The following ELMOD1 variants were observed in gnomAD, a reference collection of about 807,000 sequenced individuals.
ELMOD1 encodes ELMO domain-containing protein 1.
In ELMOD1, 21 loss-of-function variants were observed where a neutral mutation model predicts 46.7. The ratio of observed to expected loss-of-function variants is 0.45; its 90% CI spans 0.32 to 0.65. The LOEUF (loss-of-function observed/expected upper bound fraction) is 0.65, where lower values mean the gene tolerates loss of function less well. ELMOD1 is among the 30% of genes least tolerant of loss of function. The pLI, the probability that ELMOD1 is intolerant of heterozygous loss-of-function variation, is 0.04. For missense variants in ELMOD1, 348 were observed against 407.8 expected (o/e 0.85, Z 1.26); for synonymous variants, 122 against 138.2 (o/e 0.88, Z 0.82).
At chr11:107,664,325 G>A (rs1866798899) in intron 11 of ELMOD1, among the ~76,000 whole-genome samples, 1 of 151,842 alleles carries the variant, frequency 6.6e-6, no homozygotes, top group Non-Finnish European at 1.5e-5. Flanking sequence ...GTGGTAGTGG[G>A]AGGGGGCATA....
At chr11:107,632,270 AG>A (rs1177526246) in intron 5 of ELMOD1, among the ~76,000 whole-genome samples, 4 of 152,230 alleles carry the variant, frequency 2.6e-5, no homozygotes, top group African/African-American at 7.2e-5. Context: ...CACTGGGTAC[AG>A]CAATTTTTCA....
At chr11:107,658,396 T>A (rs1031605135) in intron 11 of ELMOD1, among the ~76,000 whole-genome samples, 3 of 152,210 alleles carry the variant, frequency 2.0e-5, no homozygotes, top group African/African-American at 7.2e-5. Flanking sequence ...ACATACATTA[T>A]CACAGCTCCT....
rs768902387 is a variant in ELMOD1 at position 107,591,899 on chromosome 11, G to T, written c.-86+490G>T. 3 of 495,156 alleles carry T rather than the reference G, an allele frequency of 6.1e-6. No homozygotes were observed. The East Asian group carries it at 1.8e-4, about 30-fold the overall frequency. The allele number at this position is 495,156 out of a possible 1,614,324, so 30.7% of individuals were successfully genotyped here. A position where few individuals can be genotyped will look rare whatever the true frequency, so the allele number is the denominator to read the frequency against. ...GCCGCCGGACTGTGGGGTCCTCCGCGCAGCGAGCTGGGAGGAGCGGTCGGC... is the reference window on the plus strand; with the variant it reads ...GCCGCCGGACTGTGGGGTCCTCCGCTCAGCGAGCTGGGAGGAGCGGTCGGC... On this transcript the variant is annotated intron_variant, in intron 1 of 11. Coordinates refer to ENST00000265840, the MANE Select transcript of ELMOD1 (RefSeq NM_018712.4).
intron 7 of ELMOD1, among the ~76,000 whole-genome samples, chr11:107,648,402 A>G (rs923030557): frequency 6.6e-6 from 1 of 152,216 alleles, no homozygotes; most frequent in Non-Finnish European, 1.5e-5. Context: ...GTATGCAGGC[A>G]GGCCTGAAGA....
intron 1 of ELMOD1, among the ~76,000 whole-genome samples, chr11:107,616,666 A>G (rs1355225519): frequency 6.6e-6 from 1 of 152,256 alleles, no homozygotes; most frequent in Non-Finnish European, 1.5e-5. Flanking sequence ...GGCGTGAGCC[A>G]GGGTGCCTGG....
At position 107,635,154 on chromosome 11, in the gene ELMOD1, C is replaced by T. The variant is rs769680766; in HGVS notation, c.291-482C>T. Among the ~76,000 whole-genome samples the T allele has an allele frequency of 1.4e-4, 22 of 152,254 alleles. No homozygotes were observed. The Middle Eastern group carries it at 0.014, about 94-fold the overall frequency. On this transcript the variant is annotated intron_variant, in intron 5 of 11. Transcript: ENST00000265840. ...TTTTTCTGTTGTCCTCATCCTCATT[C>T]TCTTCCACACATCTTTCTAAGGTAA... is the stretch of plus-strand genomic sequence containing the variant.
intron 1 of ELMOD1, among the ~76,000 whole-genome samples, chr11:107,612,138 A>T (rs981488854): frequency 6.6e-6 from 1 of 152,230 alleles, no homozygotes; most frequent in Non-Finnish European, 1.5e-5. Flanking sequence ...AGTGAACTGG[A>T]TAAAGAATAT....
At chr11:107,648,433 C>T (rs934711115) in intron 7 of ELMOD1, among the ~76,000 whole-genome samples, 3 of 152,156 alleles carry the variant, frequency 2.0e-5, no homozygotes, top group African/African-American at 2.4e-5. Context: ...GACATCACAG[C>T]GGGAGGCCTT....
At chr11:107,609,598 G>C (rs913792265) in intron 1 of ELMOD1, among the ~76,000 whole-genome samples, 1 of 152,208 alleles carries the variant, frequency 6.6e-6, no homozygotes, top group Admixed American at 6.5e-5. Flanking sequence ...GCCTCAGGGG[G>C]CTTCTTGCTC....
intron 1 of ELMOD1, among the ~76,000 whole-genome samples, chr11:107,594,958 C>T (rs1355219320): frequency 6.6e-6 from 1 of 152,194 alleles, no homozygotes; most frequent in South Asian, 2.1e-4. Flanking sequence ...TGGCACACCA[C>T]ATACATGTGT....
chr11:107,603,290 A>G (rs1000445885), intron 1 of ELMOD1, among the ~76,000 whole-genome samples: 1 of 152,194 alleles, frequency 6.6e-6, no homozygotes, highest in Non-Finnish European at 1.5e-5. Context: ...TGTGATCCCA[A>G]CACTTTGGGA....
rs550347824 is a variant in ELMOD1, at chr11:107,615,194, G to T, written c.-85-2911G>T. 7.3e-5 allele frequency among the ~76,000 whole-genome samples: 11 copies of T among 150,458 alleles called. No homozygotes were observed. In the South Asian group the frequency reaches 2.3e-3, roughly 32 times the overall value. On this transcript the variant is annotated intron_variant, in intron 1 of 11. Coordinates refer to ENST00000265840, the MANE Select transcript of ELMOD1 (RefSeq NM_018712.4). ...ACAGAAAAGCTACAAAGATAGTACA[G>T]AGGGTTCCCTTATACTTTCCCCTGT...
At chr11:107,637,585 C>T (rs1358838330) in intron 6 of ELMOD1, among the ~76,000 whole-genome samples, 3 of 151,802 alleles carry the variant, frequency 2.0e-5, no homozygotes, top group Admixed American at 1.3e-4. Context: ...CCCAGGTACT[C>T]GGGAGGCTGA....
chr11:107,626,704 C>T (rs146129691), intron 2 of ELMOD1, among the ~76,000 whole-genome samples: 46 of 151,214 alleles, frequency 3.0e-4, no homozygotes, highest in African/African-American at 9.5e-4. Flanking sequence ...AGCTCAAGAG[C>T]ATTTACAGAT....
intron 5 of ELMOD1, among the ~76,000 whole-genome samples, chr11:107,633,195 AT>A (rs1373957597): frequency 6.6e-6 from 1 of 151,926 alleles, no homozygotes; most frequent in South Asian, 2.1e-4. Context: ...AACCTGTAGT[AT>A]TTTTTTTAAA....
chr11:107,654,348 A>G (rs1476042299), intron 10 of ELMOD1, 126 bp downstream of exon 10: 34 of 811,174 alleles, frequency 4.2e-5, no homozygotes, highest in Non-Finnish European at 6.0e-5. Flanking sequence ...TCTGGTTAAA[A>G]TGTTTAAAGT....
intron 11 of ELMOD1, 88 bp from the exon 12 acceptor site, chr11:107,664,937 G>A (rs1264727616): frequency 1.0e-5 from 13 of 1,287,908 alleles, no homozygotes; most frequent in Non-Finnish European, 1.3e-5. Context: ...GCTTGGTTCA[G>A]CATCTTCCTC....
In ELMOD1 at chr11:107,591,206, C is replaced by G. The variant is rs1403072706; in HGVS notation, c.-289C>G. Reference sequence around the variant, plus strand: ...TCCCGGCTTGCTCCGCTCCACGCGACCCAGATTCCTGCCCCGCCCCCGCCC... The same window carrying G: ...TCCCGGCTTGCTCCGCTCCACGCGAGCCAGATTCCTGCCCCGCCCCCGCCC... On this transcript the variant is annotated 5_prime_UTR_variant, in exon 1 of 12. Transcript: ENST00000265840. 1 of 152,556 alleles carries G rather than the reference C, an allele frequency of 6.6e-6. No individual in the cohort carries two copies. 9.5% of individuals were successfully genotyped at this position (152,556 alleles called of 1,614,324 possible). A position where few individuals can be genotyped will look rare whatever the true frequency, so the allele number is the denominator to read the frequency against.
At chr11:107,611,993 T>G (rs1462914039) in intron 1 of ELMOD1, among the ~76,000 whole-genome samples, 2 of 152,178 alleles carry the variant, frequency 1.3e-5, no homozygotes, top group Non-Finnish European at 2.9e-5. Flanking sequence ...GATCTACCAT[T>G]TGACCCAGCA....
Sources: allele counts gnomAD v4.1 joint callset (sites outside exome capture counted in the v4.1 genomes callset), GRCh38; gene constraint gnomAD v4.1.1; transcripts MANE v1.5; gene names NCBI Gene and HGNC (gene_info 2026-07-23, HGNC 2026-07-21).